Variants in THSD4 observed in about 807,000 individuals in gnomAD.
THSD4 encodes the protein thrombospondin type-1 domain-containing protein 4.
In THSD4, 69 loss-of-function variants were observed where a neutral mutation model predicts 119.0. The observed-to-expected ratio is 0.58, with a 90% CI of 0.48 to 0.71. The LOEUF (loss-of-function observed/expected upper bound fraction) is 0.71. Ranked by LOEUF, THSD4 falls within the 30% of genes least tolerant of loss-of-function variation. THSD4 has a pLI of 0.00. For synonymous variants in THSD4, 524 were observed against 540.4 expected (o/e 0.97, Z 0.42); for missense variants, 1,393 against 1,391.1 (o/e 1.00, Z -0.02).
intron 6 of THSD4, among the ~76,000 whole-genome samples, chr15:71,260,205 A>G (rs77350893): frequency 2.8e-3 from 422 of 152,310 alleles, no homozygotes; most frequent in African/African-American, 9.9e-3. Flanking sequence ...TGGCTTATGT[A>G]TGGGTCTACT....
At chr15:71,648,922 A>G (rs2051026689) in intron 7 of THSD4, among the ~76,000 whole-genome samples, 1 of 152,170 alleles carries the variant, frequency 6.6e-6, no homozygotes, top group South Asian at 2.1e-4. Flanking sequence ...TTATACTTTG[A>G]TCCCTCATTT....
At chr15:71,728,510 C>A (rs2052907884) in intron 8 of THSD4, 39 bp from the exon 9 acceptor site, 1 of 1,608,480 alleles carries the variant, frequency 6.2e-7, no homozygotes, top group African/African-American at 1.3e-5. Context: ...TGTGCACACC[C>A]TGGGCTTACC....
At chr15:71,434,434 CTTTTTT>C (rs34097873) in intron 7 of THSD4, among the ~76,000 whole-genome samples, 9 of 82,586 alleles carry the variant, frequency 1.1e-4, no homozygotes, top group African/African-American at 2.9e-4. Context: ...TCAGTGGTCC[CTTTTTT>C]TTTTTTTTTT....
rs147593449 is a variant in THSD4 at position 71,681,674 on chromosome 15, CA to C, written c.1357+20958del. Among the ~76,000 whole-genome samples, 575 of 100,122 alleles carry C rather than the reference CA, an allele frequency of 5.7e-3. 2 individuals carry two copies. Among genetic ancestry groups the C allele is most frequent in the African/African-American group, 7.5e-3 (205 of 27,370 alleles). The allele number at this position is 100,122 out of a possible 152,430, so 65.7% of individuals were successfully genotyped here. On this transcript the variant is annotated intron_variant, in intron 8 of 17. Transcript: ENST00000261862. ...TGGGCAAAAGAGTGAAACTTCGTCTCAAAAAAAAAAAAAAAAAAGTTTTACA... is the reference window on the plus strand; with the variant it reads ...TGGGCAAAAGAGTGAAACTTCGTCTCAAAAAAAAAAAAAAAAAGTTTTACA...
intron 6 of THSD4, among the ~76,000 whole-genome samples, chr15:71,353,750 A>G (rs1316737395): frequency 4.6e-5 from 7 of 152,330 alleles, no homozygotes; most frequent in African/African-American, 1.7e-4. Flanking sequence ...CGGGATGATA[A>G]AATCCCAGCT....
intron 6 of THSD4, among the ~76,000 whole-genome samples, chr15:71,275,735 C>G (rs534385731): frequency 6.6e-6 from 1 of 152,124 alleles, no homozygotes; most frequent in South Asian, 2.1e-4. Flanking sequence ...GGGGCAGTTA[C>G]CCCTTGCTGC....
intron 7 of THSD4, among the ~76,000 whole-genome samples, chr15:71,597,350 T>C (rs2049923724): frequency 1.3e-5 from 2 of 152,150 alleles, no homozygotes; most frequent in South Asian, 4.1e-4. Context: ...ATTCAGAAAG[T>C]TGCTAAATAG....
intron 1 of THSD4, among the ~76,000 whole-genome samples, chr15:71,140,341 G>A (rs1417779364): frequency 6.6e-6 from 1 of 152,122 alleles, no homozygotes; most frequent in Non-Finnish European, 1.5e-5. Flanking sequence ...GGCAAGAGAG[G>A]GAGTGAGAGA....
chr15:71,575,713 T>A (rs956116641), intron 7 of THSD4, among the ~76,000 whole-genome samples: 8 of 152,216 alleles, frequency 5.3e-5, no homozygotes, highest in Non-Finnish European at 8.8e-5. Context: ...GCTAGTTATA[T>A]GGACTTTCCA....
chr15:71,710,340 G>C (rs2052484670), intron 8 of THSD4, among the ~76,000 whole-genome samples: 1 of 152,140 alleles, frequency 6.6e-6, no homozygotes, highest in Non-Finnish European at 1.5e-5. Flanking sequence ...TTTAAGGGAA[G>C]GGAAATAGGA....
chr15:71,470,675 C>G (rs2047564918), intron 7 of THSD4, among the ~76,000 whole-genome samples: 1 of 151,114 alleles, frequency 6.6e-6, no homozygotes, highest in South Asian at 2.1e-4. Flanking sequence ...GTCGCCCAGG[C>G]CAGACTGCGG....
chr15:71,541,221 T>C (rs1373932569), intron 7 of THSD4, among the ~76,000 whole-genome samples: 1 of 152,202 alleles, frequency 6.6e-6, no homozygotes, highest in African/African-American at 2.4e-5. Context: ...TATTTCAACA[T>C]CAACCCAACA....
chr15:71,207,582 C>T (rs775577410), intron 3 of THSD4, among the ~76,000 whole-genome samples: 2 of 152,142 alleles, frequency 1.3e-5, no homozygotes, highest in African/African-American at 2.4e-5. Flanking sequence ...AGTACTGGGC[C>T]GCAGCCTGTT....
chr15:71,427,092 TTATC>T (rs1459735304), intron 7 of THSD4, among the ~76,000 whole-genome samples: 1 of 152,062 alleles, frequency 6.6e-6, no homozygotes, highest in Non-Finnish European at 1.5e-5. Flanking sequence ...TTTAGAAAAA[TTATC>T]TATTATTTTT....
At chr15:71,200,362 G>A (rs554677448) in intron 3 of THSD4, among the ~76,000 whole-genome samples, 8 of 152,080 alleles carry the variant, frequency 5.3e-5, no homozygotes, top group African/African-American at 9.7e-5. Flanking sequence ...ATGGCTCAGC[G>A]TGCTTTGTCT....
intron 4 of THSD4, among the ~76,000 whole-genome samples, chr15:71,228,527 G>A (rs549928053): frequency 6.6e-6 from 1 of 152,230 alleles, no homozygotes; most frequent in African/African-American, 2.4e-5. Context: ...CTAATGCACT[G>A]TAAGAGGCTC....
At position 71,697,756 on chromosome 15, in the gene THSD4, G is replaced by A. The variant is rs780914745; in HGVS notation, c.1358-30793G>A. Among the ~76,000 whole-genome samples, 2 of 152,326 alleles carry A rather than the reference G, an allele frequency of 1.3e-5. 1 individual carries two copies. The highest frequency in any genetic ancestry group is 1.3e-4 in the Admixed American group (2 of 15,306). On this transcript the variant is annotated intron_variant, in intron 8 of 17. Coordinates refer to ENST00000261862, the MANE Select transcript of THSD4 (RefSeq NM_024817.3). The stretch of plus-strand genomic sequence containing the variant: ...TGGTGTTTGCAAAACCTGCATTTGA[G>A]TTAAGTATTTTGCAGGGGAGATGTT...
At chr15:71,666,753 C>CA (rs1474815761) in intron 8 of THSD4, among the ~76,000 whole-genome samples, 7 of 152,162 alleles carry the variant, frequency 4.6e-5, no homozygotes, top group African/African-American at 1.7e-4. Flanking sequence ...AAAACGGAGG[C>CA]ATGTATTCCA....
chr15:71,446,497 C>T (rs978512199), intron 7 of THSD4, among the ~76,000 whole-genome samples: 3 of 152,170 alleles, frequency 2.0e-5, no homozygotes, highest in Non-Finnish European at 2.9e-5. Flanking sequence ...TCTAGTTTTC[C>T]AAACAAGTCA....
Sources: gnomAD v4.1 joint callset for allele counts (sites outside exome capture counted in the v4.1 genomes callset) on GRCh38, gnomAD v4.1.1 for gene constraint, MANE v1.5 for transcripts, NCBI Gene and HGNC (gene_info 2026-07-23, HGNC 2026-07-21) for gene names.